The following CCDC57 variants were observed in gnomAD, a reference collection of about 807,000 sequenced individuals.
CCDC57 encodes the protein coiled-coil domain-containing protein 57.
CCDC57 carries 118 observed loss-of-function variants against 118.9 expected under a neutral mutation model. That is an observed-to-expected ratio of 0.99 (90% CI 0.86 to 1.16). CCDC57 has a LOEUF of 1.16. Among genes scored for constraint, CCDC57 ranks in the 50% most tolerant of loss-of-function variants. The pLI is 0.00. For missense variants in CCDC57, 1,300 were observed against 1,320.7 expected (o/e 0.98, Z 0.24); for synonymous variants, 527 against 532.9 (o/e 0.99, Z 0.15).
At chr17:82,211,019 AAAAG>A (rs2050149605) in intron 1 of CCDC57, among the ~76,000 whole-genome samples, 1 of 151,458 alleles carries the variant, frequency 6.6e-6, no homozygotes, top group African/African-American at 2.4e-5. Flanking sequence ...AGAAAAAAAA[AAAAG>A]AAAAAGAGAG....
chr17:82,178,947 G>T (rs1380542975), intron 10 of CCDC57, 80 bp downstream of exon 9: 1 of 1,456,546 alleles, frequency 6.9e-7, no homozygotes, highest in Non-Finnish European at 9.3e-7. Flanking sequence ...GAACCATTTG[G>T]TAAGAACCAG....
intron 19 of CCDC57, among the ~76,000 whole-genome samples, chr17:82,107,045 C>T (rs901100366): frequency 6.6e-6 from 1 of 152,124 alleles, no homozygotes; most frequent in African/African-American, 2.4e-5. Context: ...GGCAGGAGGG[C>T]GGACAGCTGG....
At chr17:82,126,603 A>G (rs2145215642) in intron 19 of CCDC57, 8 of 985,382 alleles carry the variant, frequency 8.1e-6, no homozygotes, top group African/African-American at 1.7e-5. Context: ...GCCACCGGCA[A>G]AAGTTCCGTG....
rs35462707 is a variant in CCDC57 at position 82,170,507 on chromosome 17, CA to C, written c.1882+1193del. Among the ~76,000 whole-genome samples the C allele has an allele frequency of 3.4e-3, 333 of 99,210 alleles. 2 individuals carry two copies. Among genetic ancestry groups the C allele is most frequent in the African/African-American group, 9.1e-3 (228 of 25,092 alleles). 65.1% of individuals were successfully genotyped at this position (99,210 alleles called of 152,430 possible). A position where few individuals can be genotyped will look rare whatever the true frequency, so the allele number is the denominator to read the frequency against. On this transcript the variant is annotated intron_variant, in intron 13 of 19. Transcript: ENST00000665763. ...TGGGCAACAGAGCAAGACTCTGTCC[CA>C]AAAAAAAAAAAAAAAAAGAGGAAGA...
chr17:82,114,213 C>A (rs2035553880), intron 19 of CCDC57, among the ~76,000 whole-genome samples: 3 of 152,228 alleles, frequency 2.0e-5, no homozygotes, highest in Admixed American at 1.3e-4. Flanking sequence ...GGCTCCTCAC[C>A]CATCCATGGC....
chr17:82,198,502 T>G, intron 3 of CCDC57, 80 bp from the exon 3 acceptor site: 1 of 981,860 alleles, frequency 1.0e-6, no homozygotes, highest in Non-Finnish European at 1.5e-6. Context: ...GCACTTGACA[T>G]GTGAAAGTTG....
chr17:82,142,311 G>GTTT (rs769545550), intron 16 of CCDC57, among the ~76,000 whole-genome samples: 2 of 147,812 alleles, frequency 1.4e-5, no homozygotes, highest in African/African-American at 2.5e-5. Flanking sequence ...CTGAAGTTGT[G>GTTT]TTTGTTTTTT....
intron 2 of CCDC57, among the ~76,000 whole-genome samples, chr17:82,206,949 T>G (rs1481272907): frequency 6.6e-6 from 1 of 152,184 alleles, no homozygotes; most frequent in Non-Finnish European, 1.5e-5. Flanking sequence ...GTTTATAGTT[T>G]GAAACAAAGA....
In CCDC57 at chr17:82,190,719, A is replaced by T. The variant is rs867033293; in HGVS notation, c.852-2300T>A. 2.0e-3 allele frequency among the ~76,000 whole-genome samples: 297 copies of T among 149,990 alleles called. 1 individual carries two copies. Among genetic ancestry groups the T allele is most frequent in the African/African-American group, 6.6e-3 (264 of 40,276 alleles). On this transcript the variant is annotated intron_variant, in intron 7 of 19. Transcript: ENST00000665763. ...TCAAAAAAAAAAAAAAAAAAAAAAA[A>T]TCTTTTGATAATGGACAATGCCTCT...
At chr17:82,167,064 G>A (rs1418559033) in intron 13 of CCDC57, among the ~76,000 whole-genome samples, 1 of 152,134 alleles carries the variant, frequency 6.6e-6, no homozygotes, top group African/African-American at 2.4e-5. Flanking sequence ...CTGAAGAACA[G>A]AGGAAAAGAA....
intron 15 of CCDC57, chr17:82,153,890 C>A: frequency 6.6e-6 from 1 of 152,498 alleles, no homozygotes; most frequent in Non-Finnish European, 1.5e-5. Flanking sequence ...GTCTTCACGT[C>A]CTGAGGACAT....
intron 1 of CCDC57, among the ~76,000 whole-genome samples, chr17:82,210,369 G>A (rs2050081435): frequency 6.6e-6 from 1 of 152,050 alleles, no homozygotes; most frequent in African/African-American, 2.4e-5. Flanking sequence ...AGTGACAGAA[G>A]TATGGTTAGA....
intron 7 of CCDC57, among the ~76,000 whole-genome samples, chr17:82,190,585 C>T (rs978350126): frequency 1.3e-5 from 2 of 150,038 alleles, no homozygotes; most frequent in African/African-American, 4.9e-5. Context: ...CTCCCAGCTA[C>T]TTGGGAGGCT....
intron 8 of CCDC57, among the ~76,000 whole-genome samples, chr17:82,186,511 A>G (rs1386625793): frequency 6.6e-6 from 1 of 152,180 alleles, no homozygotes; most frequent in Admixed American, 6.5e-5. Context: ...TGGCGTCTTC[A>G]ACCACTCTGC....
chr17:82,190,874 T>G (rs138066201), intron 7 of CCDC57, among the ~76,000 whole-genome samples: 44 of 151,304 alleles, frequency 2.9e-4, no homozygotes, highest in African/African-American at 9.5e-4. Context: ...ATGGCGCTCT[T>G]TGGAAAGGAT....
intron 9 of CCDC57, 143 bp from the exon 9 acceptor site, chr17:82,179,332 T>A: frequency 1.1e-6 from 1 of 887,372 alleles, no homozygotes; most frequent in South Asian, 1.8e-5. Context: ...GCTCCCGAGC[T>A]CCTGTGGATG....
chr17:82,101,784 G>C, exon 20 of CCDC57: 1 of 1,608,610 alleles, frequency 6.2e-7, no homozygotes, highest in Non-Finnish European at 8.5e-7. Flanking sequence ...CCTTTGCCTG[G>C]GCTGCTGTCT....
chr17:82,157,609 C>T, intron 15 of CCDC57, 139 bp downstream of exon 14: 2 of 1,441,650 alleles, frequency 1.4e-6, no homozygotes, highest in Non-Finnish European at 9.1e-7. Flanking sequence ...GGCCCACTTC[C>T]AGGCACGGCC....
chr17:82,195,306 T>A lies in CCDC57; in HGVS notation c.575A>T (p.Gln192Leu), dbSNP rs371388415. 1.9e-6 allele frequency: 3 copies of A among 1,602,820 alleles called. No individual in the cohort carries two copies. The highest frequency in any genetic ancestry group is 1.6e-4 in the Middle Eastern group (1 of 6,072). Residue 192 changes from glutamine (Q) to leucine (L), a missense_variant, in exon 5 of 20, where the codon CAG (glutamine) becomes CTG (leucine). By Grantham distance (113) the Gln-to-Leu change is moderately radical. Transcript: ENST00000665763. ...GGCTGTGTTGCTCATGTTGTCAGCC[T>A]GCAGACGGAATTCGTGCTCCCTCTT... is the stretch of plus-strand genomic sequence containing the variant.
Sources: allele counts gnomAD v4.1 joint callset (sites outside exome capture counted in the v4.1 genomes callset), GRCh38; gene constraint gnomAD v4.1.1; transcripts MANE v1.5; gene names NCBI Gene and HGNC (gene_info 2026-07-23, HGNC 2026-07-21).